TRPM8: variants seen among roughly 807,000 people sequenced by gnomAD.
TRPM8 encodes transient receptor potential cation channel subfamily M member 8.
TRPM8 carries 110 observed loss-of-function variants against 133.7 expected under a neutral mutation model. The observed-to-expected ratio is 0.82, with a 90% confidence interval of 0.70 to 0.96. TRPM8 has a LOEUF of 0.96. Ranked by LOEUF, TRPM8 falls within the 40% of genes least tolerant of loss-of-function variation. TRPM8 has a pLI of 0.00. For synonymous variants in TRPM8, 535 were observed against 532.3 expected, an observed-to-expected ratio of 1.01 and a Z score of -0.07; for missense variants, 1,291 against 1,379.5, an observed-to-expected ratio of 0.94 and a Z score of 1.02.
In TRPM8 at chr2:233,926,520, A is replaced by G. The variant is rs777487882; in HGVS notation, c.-5-13A>G. On this transcript the variant is annotated splice_polypyrimidine_tract_variant and intron_variant, in intron 1 of 25. Coordinates refer to ENST00000324695, the MANE Select transcript of TRPM8 (RefSeq NM_024080.5). ...TTGTAACCCAAACTTATCCCCTCCA[A>G]CCATCGTCACAGAAAAGATGTCCTT... 1 of 1,604,662 alleles carries G rather than the reference A, an allele frequency of 6.2e-7. No individual in the cohort carries two copies. Among genetic ancestry groups the G allele is most frequent in the African/African-American group, 1.3e-5 (1 of 74,816 alleles).
In TRPM8 at chr2:233,927,763, T is replaced by TTCC. The variant is rs1407128795; in HGVS notation, c.117+1110_117+1111insCCT. Among the ~76,000 whole-genome samples the TTCC allele has an allele frequency of 1.4e-3, 97 of 69,264 alleles. 3 individuals are homozygous for TTCC. Among genetic ancestry groups the TTCC allele is most frequent in the Admixed American group, 3.6e-3 (23 of 6,350 alleles). 45.4% of individuals were successfully genotyped at this position (69,264 alleles called of 152,430 possible). On this transcript the variant is annotated intron_variant, in intron 2 of 25. Transcript: ENST00000324695. ...CTTTCTTTCTTTCTTTCTTTCTTTC[T>TTCC]TTCTTTCTTTCTTTCTTTCTTTCTT...
intron 2 of TRPM8, among the ~76,000 whole-genome samples, chr2:233,926,903 C>T (rs539499979): frequency 6.6e-6 from 1 of 152,190 alleles, no homozygotes; most frequent in African/African-American, 2.4e-5. Context: ...CCTAGCTGCA[C>T]TCCTTCACAC....
At chr2:233,927,457 G>A (rs1691541738) in intron 2 of TRPM8, among the ~76,000 whole-genome samples, 2 of 152,188 alleles carry the variant, frequency 1.3e-5, no homozygotes, top group South Asian at 4.1e-4. Flanking sequence ...TTAAGGAGGT[G>A]CCAGCCCTCA....
chr2:233,981,949 T>C (rs748184794), intron 19 of TRPM8, 34 bp downstream of exon 19: 4 of 1,565,900 alleles, frequency 2.6e-6, no homozygotes, highest in Non-Finnish European at 3.4e-6. Flanking sequence ...TCATCATTTT[T>C]CTTGCGGGGC....
intron 20 of TRPM8, among the ~76,000 whole-genome samples, chr2:233,984,148 G>A (rs1024377069): frequency 3.3e-5 from 5 of 152,170 alleles, no homozygotes; most frequent in Non-Finnish European, 5.9e-5. Context: ...CAGATCCAGG[G>A]TAGCCACTCA....
At chr2:233,974,740 G>T (rs1262192347) in intron 17 of TRPM8, among the ~76,000 whole-genome samples, 2 of 152,156 alleles carry the variant, frequency 1.3e-5, no homozygotes, top group African/African-American at 4.8e-5. Flanking sequence ...CACGGCATCT[G>T]TAGGAACTGG....
At chr2:233,960,446 C>A (rs1332733860) in intron 11 of TRPM8, among the ~76,000 whole-genome samples, 1 of 152,074 alleles carries the variant, frequency 6.6e-6, no homozygotes, top group Non-Finnish European at 1.5e-5. Flanking sequence ...ATGTCTCATA[C>A]TGGGGAAAAT....
In TRPM8 at chr2:233,942,842, C is replaced by G. The variant is rs373187741; in HGVS notation, c.699+94C>G. On this transcript the variant is annotated intron_variant, in intron 6 of 25. Coordinates refer to ENST00000324695, the MANE Select transcript of TRPM8 (RefSeq NM_024080.5). ...TGAACCCTGGGGCTCTGTGATGGAG[C>G]CAGCCAGATCATGGGGAAGTCTGCC... is the stretch of plus-strand genomic sequence containing the variant. The G allele has an allele frequency of 7.0e-4, 1,026 of 1,463,034 alleles. 16 individuals are homozygous for G. The South Asian group carries it at 0.011, about 16-fold the overall frequency. 90.6% of individuals were successfully genotyped at this position (1,463,034 alleles called of 1,614,324 possible).
chr2:233,946,021 A>T lies in TRPM8; in HGVS notation c.865A>T (p.Thr289Ser), dbSNP rs780797506. The T allele has an allele frequency of 6.2e-7, 1 of 1,614,002 alleles. No homozygotes were observed. The highest frequency in any genetic ancestry group is 1.3e-5 in the African/African-American group (1 of 74,942). Residue 289 changes from threonine to serine, a missense_variant, in exon 7 of 26, where the codon ACT becomes TCT. By Grantham distance (58) the Thr-to-Ser change is moderately conservative. Around this residue, in one of 2 missense-constraint regions of TRPM8, gnomAD observed 963 missense variants for 968.9 expected, o/e 0.99. Transcript: ENST00000324695. ...NQLEKYISER[T>S]IQDSNYGGKI... Reference sequence around the variant, plus strand: ...GCTAGAGAAGTATATCTCTGAGCGCACTATTCAAGGTCAGTGGTTAGGAGG... The same window carrying T: ...GCTAGAGAAGTATATCTCTGAGCGCTCTATTCAAGGTCAGTGGTTAGGAGG...
At position 234,011,962 on chromosome 2, in the gene TRPM8, T is replaced by C. The variant is rs184820309; in HGVS notation, c.3265-2600T>C. 3.8e-4 allele frequency among the ~76,000 whole-genome samples: 57 copies of C among 151,736 alleles called. No homozygotes were observed. The East Asian group carries it at 0.01, about 27-fold the overall frequency. Reference sequence around the variant, plus strand: ...ATTTCCTTTATCAATGTTTTATAATTTCCAGTGTACCAGTCTTTTACTTCT... The same window carrying C: ...ATTTCCTTTATCAATGTTTTATAATCTCCAGTGTACCAGTCTTTTACTTCT... On this transcript the variant is annotated intron_variant, in intron 24 of 25. Coordinates refer to ENST00000324695, the MANE Select transcript of TRPM8 (RefSeq NM_024080.5).
intron 3 of TRPM8, among the ~76,000 whole-genome samples, chr2:233,932,516 C>T (rs887375889): frequency 6.6e-6 from 1 of 152,094 alleles, no homozygotes; most frequent in Non-Finnish European, 1.5e-5. Context: ...CAGGTGAACT[C>T]AATGCAGAAA....
At chr2:233,928,411 TG>T (rs68008874) in intron 2 of TRPM8, among the ~76,000 whole-genome samples, 11,331 of 152,214 alleles carry the variant, frequency 0.074, 1,446 homozygotes, top group African/African-American at 0.26. Flanking sequence ...ATCTCAGTTC[TG>T]GGGGGTTCCT....
rs199991435 is a variant in TRPM8, at chr2:233,970,334, G to A, written c.2263G>A (p.Val755Met). 30 of 1,613,934 alleles carry A rather than the reference G, an allele frequency of 1.9e-5. No homozygotes were observed. Among genetic ancestry groups the A allele is most frequent in the Admixed American group, 3.3e-5 (2 of 59,982 alleles). ...YIAFLLLFAY[V>M]LLMDFHSVPH... Reference sequence around the variant, plus strand: ...CGCCTTCCTCCTGCTGTTTGCCTACGTGCTGCTCATGGATTTCCATTCGGT... The same window carrying A: ...CGCCTTCCTCCTGCTGTTTGCCTACATGCTGCTCATGGATTTCCATTCGGT... Residue 755 changes from valine (V) to methionine (M), a missense_variant, in exon 17 of 26, where the codon GTG becomes ATG. By Grantham distance (21) the Val-to-Met change is conservative. Coordinates refer to ENST00000324695, the MANE Select transcript of TRPM8 (RefSeq NM_024080.5).
At chr2:233,986,752 C>A (rs1692156762) in intron 21 of TRPM8, among the ~76,000 whole-genome samples, 1 of 151,976 alleles carries the variant, frequency 6.6e-6, no homozygotes, top group African/African-American at 2.4e-5. Context: ...GCTTTTATCT[C>A]CTAATATAGA....
rs371901067 is a variant in TRPM8 at position 233,936,820 on chromosome 2, G to GAGCC, written c.192-529_192-526dup. ...GGCTTTGTTCTGTCCTATCAGCACA[G>GAGCC]AGCCAGCTTGTTCATGAAGGGACAA... On this transcript the variant is annotated intron_variant, in intron 3 of 25. Coordinates refer to ENST00000324695, the MANE Select transcript of TRPM8 (RefSeq NM_024080.5). Among the ~76,000 whole-genome samples the GAGCC allele has an allele frequency of 7.9e-4, 120 of 152,018 alleles. No homozygotes were observed. The East Asian group carries it at 0.013, about 17-fold the overall frequency.
At position 233,978,793 on chromosome 2, in the gene TRPM8, C is replaced by T. The variant is rs1320153759; in HGVS notation, c.2356-1395C>T. Among the ~76,000 whole-genome samples, 4 of 152,194 alleles carry T rather than the reference C, an allele frequency of 2.6e-5. 1 individual carries two copies. Among genetic ancestry groups the T allele is most frequent in the East Asian group, 3.8e-4 (2 of 5,198 alleles). The stretch of plus-strand genomic sequence containing the variant: ...GTGACTGGACTGTTGACACACCCCA[C>T]GGTGCTGCCCCAACCTGGGGGATTT... On this transcript the variant is annotated intron_variant, in intron 17 of 25. Transcript: ENST00000324695.
At position 234,017,559 on chromosome 2, in the gene TRPM8, C is replaced by T. The variant is rs202244064; in HGVS notation, c.*303C>T. 5.6e-5 allele frequency: 17 copies of T among 302,186 alleles called. No individual in the cohort carries two copies. The highest frequency in any genetic ancestry group is 8.9e-5 in the South Asian group (3 of 33,806). 18.7% of individuals were successfully genotyped at this position (302,186 alleles called of 1,614,324 possible). A position where few individuals can be genotyped will look rare whatever the true frequency, so the allele number is the denominator to read the frequency against. On this transcript the variant is annotated 3_prime_UTR_variant, in exon 26 of 26. Coordinates refer to ENST00000324695, the MANE Select transcript of TRPM8 (RefSeq NM_024080.5). ...GTTGATAGTTTAAGTGTGTTCTTAC[C>T]GCCTCCTTTTTCCTTTAATCTTATT...
chr2:233,983,332 A>G, intron 20 of TRPM8, 108 bp downstream of exon 20: 1 of 1,244,714 alleles, frequency 8.0e-7, no homozygotes, highest in South Asian at 1.2e-5. Flanking sequence ...CGCGCGTGAA[A>G]CGGAGTCCAA....
rs183154378 is a variant in TRPM8, at chr2:233,987,909, C to T, written c.2939+2044C>T. ...CCACGTAAGACGTGACTTGCTCCTC[C>T]TTGCCTTCCATCATGATTGTGAGGC... On this transcript the variant is annotated intron_variant, in intron 21 of 25. Transcript: ENST00000324695. Among the ~76,000 whole-genome samples the T allele has an allele frequency of 1.8e-4, 28 of 152,042 alleles. No homozygotes were observed. The East Asian group carries it at 4.8e-3, about 26-fold the overall frequency.
Sources: allele counts gnomAD v4.1 joint callset (sites outside exome capture counted in the v4.1 genomes callset), GRCh38; gene constraint gnomAD v4.1.1; regional missense constraint gnomAD v4.1.1; transcripts MANE v1.5; gene names NCBI Gene and HGNC (gene_info 2026-07-23, HGNC 2026-07-21).